Variants in USP19 observed in about 807,000 individuals in gnomAD.
USP19 encodes ubiquitin carboxyl-terminal hydrolase 19.
A neutral mutation model predicts 144.8 loss-of-function variants in USP19; 40 were observed. The ratio of observed to expected loss-of-function variants is 0.28; its 90% CI spans 0.21 to 0.36. The LOEUF is 0.36. Among genes scored for constraint, USP19 ranks in the 10% least tolerant of loss-of-function variants. USP19 has a pLI of 1.00. For missense variants in USP19, 1,518 were observed against 1,822.5 expected, an observed-to-expected ratio of 0.83 and a Z score of 3.04; for synonymous variants, 701 against 709.3, an observed-to-expected ratio of 0.99 and a Z score of 0.19.
Position 49,114,732 on chromosome 3 carries a change from G to A in USP19, c.2292+31C>T, listed in dbSNP as rs746540230. ...TGACCAGAATAGCTGAGCTGAACTA[G>A]GGGGTCTCTTTCCAGGGGAGCCCAT... is the stretch of plus-strand genomic sequence containing the variant. On this transcript the variant is annotated intron_variant, in intron 15 of 26. Coordinates refer to ENST00000417901, the MANE Select transcript of USP19 (RefSeq NM_001199161.2). The surrounding 1 kb of genome is among the most constrained non-coding windows in gnomAD (Gnocchi z 4.5). 6.2e-6 allele frequency: 10 copies of A among 1,607,626 alleles called. No individual in the cohort carries two copies. In the South Asian group the frequency reaches 1.1e-4, roughly 18 times the overall value.
At position 49,117,680 on chromosome 3, in the gene USP19, G is replaced by A. The variant is rs1478856365; in HGVS notation, c.449C>T (p.Thr150Ile). ...LEDVDAAFTD[T>I]DCVVRFAGGQ... ...ACCTGCAAACCGCACCACACAGTCT[G>A]TATCTGTGAAAGCAGCATCTACATC... The change falls in exon 4 of 27, where the codon ACA (threonine) becomes ATA (isoleucine). Residue 150 changes from threonine (T) to isoleucine (I), a missense_variant. Coordinates refer to ENST00000417901, the MANE Select transcript of USP19 (RefSeq NM_001199161.2). The surrounding 1 kb of genome is among the most constrained non-coding windows in gnomAD (Gnocchi z 4.4). 3 of 1,614,188 alleles carry A rather than the reference G, an allele frequency of 1.9e-6. No homozygotes were observed. Among genetic ancestry groups the A allele is most frequent in the Admixed American group, 1.7e-5 (1 of 60,024 alleles).
At chr3:49,118,510 C>T (rs919197216) in intron 2 of USP19, among the ~76,000 whole-genome samples, 2 of 150,536 alleles carry the variant, frequency 1.3e-5, no homozygotes, top group Admixed American at 6.6e-5. Context: ...CACTTGAACC[C>T]GGGAGGCAGA....
In USP19 at chr3:49,116,536, C is replaced by G; in HGVS notation, c.1198G>C (p.Val400Leu). Residue 400 changes from valine to leucine, a missense_variant, in exon 8 of 27, where the codon GTG (valine) becomes CTG (leucine). By Grantham distance (32) the Val-to-Leu change is conservative. Coordinates refer to ENST00000417901, the MANE Select transcript of USP19 (RefSeq NM_001199161.2). This position sits in a 1 kb window ranked among gnomAD's most constrained non-coding sequence, Gnocchi z 5.0. ...CAGATCTCCTTCACGTACACGTGCA[C>G]CACCACTGAATCCGGGCCCTTCTCA... ...SYEKGPDSVV[V>L]HVYVKEICRD... 1 of 1,614,228 alleles carries G rather than the reference C, an allele frequency of 6.2e-7. No individual in the cohort carries two copies. The highest frequency in any genetic ancestry group is 8.5e-7 in the Non-Finnish European group (1 of 1,180,030).
At chr3:49,119,559 C>G (rs2044789354) in intron 1 of USP19, among the ~76,000 whole-genome samples, 1 of 152,252 alleles carries the variant, frequency 6.6e-6, no homozygotes, top group Non-Finnish European at 1.5e-5. Flanking sequence ...GGCCTGGGAC[C>G]AGGCTACTCC....
At position 49,117,124 on chromosome 3, in the gene USP19, C is replaced by T. The variant is rs1358989509; in HGVS notation, c.844G>A (p.Gly282Arg). 5.8e-6 allele frequency: 9 copies of T among 1,543,034 alleles called. No homozygotes were observed. Among genetic ancestry groups the T allele is most frequent in the East Asian group, 2.5e-5 (1 of 40,758 alleles). Residue 282 changes from glycine to arginine, a missense_variant, in exon 6 of 27, where the codon GGG (glycine) becomes AGG (arginine). Coordinates refer to ENST00000417901, the MANE Select transcript of USP19 (RefSeq NM_001199161.2). The surrounding 1 kb of genome is among the most constrained non-coding windows in gnomAD (Gnocchi z 4.4). ...VHLCRGPEGD[G>R]SRDDPGPRGD... ...CGGGGTCCAGGGTCATCCCTGGACCCGTCCCCCTCTGGCCCTCTGCAGAGA... is the reference window on the plus strand; with the variant it reads ...CGGGGTCCAGGGTCATCCCTGGACCTGTCCCCCTCTGGCCCTCTGCAGAGA...
chr3:49,116,079 C>T lies in USP19; in HGVS notation c.1439G>A (p.Arg480His), dbSNP rs1245733303. 1.9e-6 allele frequency: 3 copies of T among 1,611,662 alleles called. No homozygotes were observed. Among genetic ancestry groups the T allele is most frequent in the African/African-American group, 1.3e-5 (1 of 74,836 alleles). ...AGCCGGGGCCTCCAGGCCCCCCCAGCGCTGACTCTGCCTCTTACGAAGGCA... is the reference window on the plus strand; with the variant it reads ...AGCCGGGGCCTCCAGGCCCCCCCAGTGCTGACTCTGCCTCTTACGAAGGCA... ...DICLRKRQSQRWGGLEAPAAR... is the reference protein window; with the variant it reads ...DICLRKRQSQHWGGLEAPAAR... The change falls in exon 10 of 27, where the codon CGC (arginine) becomes CAC (histidine). Residue 480 changes from arginine (R) to histidine (H), a missense_variant. This residue lies in a region of USP19 where 707 missense variants were observed against 728.9 expected (regional missense o/e 0.97). Transcript: ENST00000417901. The surrounding 1 kb of genome is among the most constrained non-coding windows in gnomAD (Gnocchi z 5.0).
At chr3:49,109,342 G>T (rs1425214830) in intron 26 of USP19, among the ~76,000 whole-genome samples, 1 of 151,406 alleles carries the variant, frequency 6.6e-6, no homozygotes, top group African/African-American at 2.4e-5. Context: ...CCAACCTCAG[G>T]GCTGTCCAGA....
In USP19 at chr3:49,110,719, G is replaced by C. The variant is rs2043018764; in HGVS notation, c.3690C>G (p.Phe1230Leu). ...CAAGGTCCACTGCTTACCTAACAGG[G>C]AACTCCACCAAGTCATTGATCTTGT... ...WRDKINDLVE[F>L]PVRNLDLSKF... is the part of the protein sequence containing the mutation. Residue 1230 changes from phenylalanine (F) to leucine (L), a missense_variant, in exon 24 of 27, where the codon TTC becomes TTG. Physicochemically the swap from Phe to Leu is conservative, Grantham distance 22. Around this residue, in one of 5 missense-constraint regions of USP19, gnomAD observed 122 missense variants for 200.4 expected, o/e 0.61. Coordinates refer to ENST00000417901, the MANE Select transcript of USP19 (RefSeq NM_001199161.2). The surrounding 1 kb of genome is among the most constrained non-coding windows in gnomAD (Gnocchi z 6.1). The C allele has an allele frequency of 6.2e-7, 1 of 1,613,926 alleles. No individual in the cohort carries two copies. Among genetic ancestry groups the C allele is most frequent in the South Asian group, 1.1e-5 (1 of 91,072 alleles).
At position 49,112,020 on chromosome 3, in the gene USP19, G is replaced by C. The variant is rs535696449; in HGVS notation, c.2794C>G (p.His932Asp). The C allele has an allele frequency of 6.2e-7, 1 of 1,614,106 alleles. No homozygotes were observed. The highest frequency in any genetic ancestry group is 1.1e-5 in the South Asian group (1 of 91,086). Residue 932 changes from histidine to aspartate, a missense_variant, in exon 20 of 27, where the codon CAC (histidine) becomes GAC (aspartate). Physicochemically the swap from His to Asp is moderately conservative, Grantham distance 81. Around this residue, in one of 5 missense-constraint regions of USP19, gnomAD observed 413 missense variants for 515.8 expected, o/e 0.80. Transcript: ENST00000417901. The surrounding 1 kb of genome is among the most constrained non-coding windows in gnomAD (Gnocchi z 4.9). ...TTCTCAGGTCGGCAGAGGCCCTTGTGGTCAGGCCAGTGGGTTTTCTGGCAG... is the reference window on the plus strand; with the variant it reads ...TTCTCAGGTCGGCAGAGGCCCTTGTCGTCAGGCCAGTGGGTTTTCTGGCAG... The part of the protein sequence containing the change: ...QLCQKTHWPD[H>D]KGLCRPENIG...
intron 1 of USP19, among the ~76,000 whole-genome samples, chr3:49,119,747 C>T (rs1358644409): frequency 1.3e-5 from 2 of 152,220 alleles, no homozygotes; most frequent in African/African-American, 2.4e-5. Flanking sequence ...TGTAAACAGG[C>T]TCAACCCAGG....
At chr3:49,113,368 C>T (rs1424496457) in intron 17 of USP19, among the ~76,000 whole-genome samples, 1 of 151,570 alleles carries the variant, frequency 6.6e-6, no homozygotes, top group African/African-American at 2.4e-5. Context: ...CCTCTGCCTC[C>T]CAGGTTCAAG....
Position 49,112,715 on chromosome 3 carries a change from C to T in USP19, c.2506-86G>A. On this transcript the variant is annotated intron_variant, in intron 17 of 26. Coordinates refer to ENST00000417901, the MANE Select transcript of USP19 (RefSeq NM_001199161.2). The surrounding 1 kb of genome is among the most constrained non-coding windows in gnomAD (Gnocchi z 4.9). Reference sequence around the variant, plus strand: ...AGAGTTTAAGAAGGCTTGGCCCTGCCTTGGGTCTATGTGGGCAGTGGTGAG... The same window carrying T: ...AGAGTTTAAGAAGGCTTGGCCCTGCTTTGGGTCTATGTGGGCAGTGGTGAG... The T allele has an allele frequency of 6.5e-7, 1 of 1,532,880 alleles. No homozygotes were observed. The highest frequency in any genetic ancestry group is 1.3e-5 in the South Asian group (1 of 78,852). The allele number at this position is 1,532,880 out of a possible 1,614,324, so 95.0% of individuals were successfully genotyped here. A position where few individuals can be genotyped will look rare whatever the true frequency, so the allele number is the denominator to read the frequency against.
At position 49,117,232 on chromosome 3, in the gene USP19, T is replaced by C. The variant is rs1178581406; in HGVS notation, c.736A>G (p.Lys246Glu). Residue 246 changes from lysine (K) to glutamate (E), a missense_variant, in exon 6 of 27, where the codon AAG becomes GAG. By Grantham distance (56) the Lys-to-Glu change is moderately conservative. Around this residue, in one of 5 missense-constraint regions of USP19, gnomAD observed 707 missense variants for 728.9 expected, o/e 0.97. Transcript: ENST00000417901. This position sits in a 1 kb window ranked among gnomAD's most constrained non-coding sequence, Gnocchi z 4.4. ...ACCTCACCACGGCCCTGGGCCCGCT[T>C]CTGGTTCCGGGCCTCCTGCTTAGCC... ...HRAKQEARNQKRAQGRGEVGA... is the reference protein window; with the variant it reads ...HRAKQEARNQERAQGRGEVGA... The C allele has an allele frequency of 3.9e-6, 6 of 1,551,966 alleles. No homozygotes were observed. The highest frequency in any genetic ancestry group is 5.2e-6 in the Non-Finnish European group (6 of 1,149,134).
Position 49,108,594 on chromosome 3 carries a change from C to A in USP19, c.4039-66G>T. The A allele has an allele frequency of 8.1e-7, 1 of 1,234,960 alleles. No individual in the cohort carries two copies. The allele number at this position is 1,234,960 out of a possible 1,614,324, so 76.5% of individuals were successfully genotyped here. On this transcript the variant is annotated intron_variant, in intron 26 of 26. Coordinates refer to ENST00000417901, the MANE Select transcript of USP19 (RefSeq NM_001199161.2). The surrounding 1 kb of genome is among the most constrained non-coding windows in gnomAD (Gnocchi z 4.8). ...CATGCCGCCTGGCATCCCGGGGGTG[C>A]TGGCTTGGAGCCCTGGCACCCAAGG...
At position 49,117,591 on chromosome 3, in the gene USP19, A is replaced by G. The variant is rs755175993; in HGVS notation, c.473-21T>C. ...ACCACCTGGGGACAGAGCAGGGTCCATGAGGTAGGATAGGAGATATCAGAA... is the reference window on the plus strand; with the variant it reads ...ACCACCTGGGGACAGAGCAGGGTCCGTGAGGTAGGATAGGAGATATCAGAA... On this transcript the variant is annotated intron_variant, in intron 4 of 26. Coordinates refer to ENST00000417901, the MANE Select transcript of USP19 (RefSeq NM_001199161.2). The surrounding 1 kb of genome is among the most constrained non-coding windows in gnomAD (Gnocchi z 4.4). 2.5e-5 allele frequency: 41 copies of G among 1,613,986 alleles called. No individual in the cohort carries two copies. Among genetic ancestry groups the G allele is most frequent in the Admixed American group, 3.3e-5 (2 of 59,996 alleles).
chr3:49,114,933 G>A lies in USP19; in HGVS notation c.2181+26C>T. 2 of 1,614,172 alleles carry A rather than the reference G, an allele frequency of 1.2e-6. No individual in the cohort carries two copies. Among genetic ancestry groups the A allele is most frequent in the African/African-American group, 1.3e-5 (1 of 75,034 alleles). On this transcript the variant is annotated intron_variant, in intron 14 of 26. Coordinates refer to ENST00000417901, the MANE Select transcript of USP19 (RefSeq NM_001199161.2). This position sits in a 1 kb window ranked among gnomAD's most constrained non-coding sequence, Gnocchi z 4.5. ...AGGGGCTGGGATGCTCATGAGACAT[G>A]CCCACCCTCTGTCCCTAACCCTGAC...
In USP19 at chr3:49,110,735, T is replaced by A. The variant is rs1050596905; in HGVS notation, c.3674A>T (p.Asn1225Ile). 2 of 1,614,094 alleles carry A rather than the reference T, an allele frequency of 1.2e-6. No homozygotes were observed. The highest frequency in any genetic ancestry group is 2.7e-5 in the African/African-American group (2 of 75,068). ...CCTAACAGGGAACTCCACCAAGTCA[T>A]TGATCTTGTCACGCCAGATAAAACT... ...FRSFIWRDKI[N>I]DLVEFPVRNL... Residue 1225 changes from asparagine to isoleucine, a missense_variant, in exon 24 of 27, where the codon AAT becomes ATT. Asn to Ile is a moderately radical substitution (Grantham distance 149, BLOSUM62 -3). Around this residue, in one of 5 missense-constraint regions of USP19, gnomAD observed 122 missense variants for 200.4 expected, o/e 0.61. Coordinates refer to ENST00000417901, the MANE Select transcript of USP19 (RefSeq NM_001199161.2). The surrounding 1 kb of genome is among the most constrained non-coding windows in gnomAD (Gnocchi z 6.1).
At position 49,110,184 on chromosome 3, in the gene USP19, C is replaced by T; in HGVS notation, c.4038G>A (p.Gln1346=). 6.6e-7 allele frequency: 1 copy of T among 1,517,014 alleles called. No individual in the cohort carries two copies. The highest frequency in any genetic ancestry group is 8.8e-7 in the Non-Finnish European group (1 of 1,133,220). 94.0% of individuals were successfully genotyped at this position (1,517,014 alleles called of 1,614,324 possible). ...CTGTAAAGCCTCCCACATGCCTCAC[C>T]TGGCTGGCAGCAGCCTCAGCTGCAG... ...LGPAAEAAAS[Q]GLGPGQAPEV... The change falls in exon 26 of 27, where the codon CAG becomes CAA. Residue 1346 remains glutamine (Q), a splice_region_variant and synonymous_variant. Coordinates refer to ENST00000417901, the MANE Select transcript of USP19 (RefSeq NM_001199161.2). The surrounding 1 kb of genome is among the most constrained non-coding windows in gnomAD (Gnocchi z 6.1).
At position 49,112,576 on chromosome 3, in the gene USP19, A is replaced by G. The variant is rs200474687; in HGVS notation, c.2559T>C (p.Thr853=). The change falls in exon 18 of 27, where the codon ACT becomes ACC. Residue 853 remains threonine (T), a synonymous_variant. Transcript: ENST00000417901. The surrounding 1 kb of genome is among the most constrained non-coding windows in gnomAD (Gnocchi z 4.9). ...AGAGGAGCGTATCAGATGGGGACAC[A>G]GTGTCCAGTGAGTGGGAGGGTAGGA... The part of the protein sequence containing the change: ...RVFLPSHSLD[T]VSPSDTLLCF... 343 of 1,614,018 alleles carry G rather than the reference A, an allele frequency of 2.1e-4. No homozygotes were observed. Among genetic ancestry groups the G allele is most frequent in the Non-Finnish European group, 3.4e-5 (40 of 1,179,986 alleles).
Sources: gnomAD v4.1 joint callset for allele counts (sites outside exome capture counted in the v4.1 genomes callset) on GRCh38, gnomAD v4.1.1 for gene constraint, gnomAD v4.1.1 regional missense constraint, Gnocchi (gnomAD v3.1) non-coding constraint, MANE v1.5 for transcripts, NCBI Gene and HGNC (gene_info 2026-07-23, HGNC 2026-07-21) for gene names.